Variants in ABLIM3 observed in about 807,000 individuals in gnomAD.
ABLIM3 encodes actin-binding LIM protein 3.
Under a neutral mutation model 109.5 loss-of-function variants are expected in ABLIM3, and 61 were observed. The observed-to-expected ratio is 0.56, with a 90% CI of 0.45 to 0.69. The LOEUF is 0.69. Ranked by LOEUF, ABLIM3 falls within the 30% of genes least tolerant of loss-of-function variation. The pLI, the probability that ABLIM3 is intolerant of heterozygous loss-of-function variation, is 0.00. For synonymous variants in ABLIM3, 300 were observed against 324.8 expected (o/e 0.92, Z 0.82); for missense variants, 796 against 889.5 (o/e 0.89, Z 1.34).
intron 12 of ABLIM3, 71 bp downstream of exon 12, chr5:149,239,348 GC>G (rs1258623387): frequency 2.7e-5 from 41 of 1,538,552 alleles, no homozygotes; most frequent in Non-Finnish European, 3.5e-5. Context: ...CCCATCCCCA[GC>G]CCCCCGAAGG....
At chr5:149,229,057 G>A (rs748443233) in intron 8 of ABLIM3, among the ~76,000 whole-genome samples, 7 of 152,082 alleles carry the variant, frequency 4.6e-5, no homozygotes, top group African/African-American at 9.7e-5. Context: ...TGTAACATGT[G>A]TTTCCTGCCA....
intron 23 of ABLIM3, among the ~76,000 whole-genome samples, chr5:149,253,645 G>T (rs1210123844): frequency 6.6e-6 from 1 of 152,232 alleles, no homozygotes; most frequent in Non-Finnish European, 1.5e-5. Flanking sequence ...AGTAGAGTTT[G>T]TGATTGAGAG....
chr5:149,255,328 C>T (rs1318569622), intron 23 of ABLIM3, among the ~76,000 whole-genome samples: 1 of 152,200 alleles, frequency 6.6e-6, no homozygotes, highest in Non-Finnish European at 1.5e-5. Context: ...GTTCGAGGTG[C>T]TTGCAATATA....
chr5:149,157,857 C>G (rs936117578), intron 2 of ABLIM3, among the ~76,000 whole-genome samples: 2 of 152,132 alleles, frequency 1.3e-5, no homozygotes, highest in Admixed American at 6.5e-5. Flanking sequence ...TTCCCAGTTG[C>G]AAGAACCAAC....
chr5:149,146,289 C>G (rs1023566831), intron 2 of ABLIM3, among the ~76,000 whole-genome samples: 5 of 152,120 alleles, frequency 3.3e-5, no homozygotes, highest in African/African-American at 1.2e-4. Context: ...TTGATAGTAT[C>G]TTTTGCAGTG....
At chr5:149,162,358 A>G (rs911092210) in intron 2 of ABLIM3, among the ~76,000 whole-genome samples, 1 of 152,180 alleles carries the variant, frequency 6.6e-6, no homozygotes, top group Non-Finnish European at 1.5e-5. Flanking sequence ...TAGTGTCCTC[A>G]TATACAATTG....
intron 2 of ABLIM3, among the ~76,000 whole-genome samples, chr5:149,150,517 T>G (rs1438740458): frequency 6.6e-6 from 1 of 152,134 alleles, no homozygotes; most frequent in African/African-American, 2.4e-5. Context: ...CTATAACACA[T>G]CTCAGAAAAA....
chr5:149,144,073 AAAAG>A (rs1458005561), intron 2 of ABLIM3, among the ~76,000 whole-genome samples: 2 of 152,228 alleles, frequency 1.3e-5, no homozygotes, highest in Admixed American at 6.5e-5. Context: ...TCTTTTAAGA[AAAAG>A]AAAGAAAGAA....
intron 2 of ABLIM3, among the ~76,000 whole-genome samples, chr5:149,174,005 G>C (rs1169692670): frequency 2.3e-5 from 3 of 132,002 alleles, no homozygotes; most frequent in Admixed American, 8.3e-5. Flanking sequence ...CTGGGCAACA[G>C]AGCGAGACTC....
chr5:149,203,141 T>C (rs1318260807), intron 5 of ABLIM3, among the ~76,000 whole-genome samples: 1 of 151,304 alleles, frequency 6.6e-6, no homozygotes, highest in Non-Finnish European at 1.5e-5. Flanking sequence ...ATCACCAACA[T>C]TATCATTATC....
At chr5:149,206,186 A>C (rs1758950088) in intron 5 of ABLIM3, among the ~76,000 whole-genome samples, 1 of 152,214 alleles carries the variant, frequency 6.6e-6, no homozygotes, top group African/African-American at 2.4e-5. Context: ...TCATTGAGCA[A>C]CAAGCTGATG....
chr5:149,201,193 A>T (rs775346728), intron 5 of ABLIM3, among the ~76,000 whole-genome samples: 10 of 134,098 alleles, frequency 7.5e-5, no homozygotes, highest in Non-Finnish European at 1.7e-4. Context: ...AAGATATCTA[A>T]ATCACTGTTC....
At chr5:149,236,649 A>G (rs1351050461) in intron 10 of ABLIM3, among the ~76,000 whole-genome samples, 1 of 152,096 alleles carries the variant, frequency 6.6e-6, no homozygotes, top group African/African-American at 2.4e-5. Context: ...GGCTCATTTC[A>G]GTTCAATGGA....
chr5:149,171,428 A>G (rs1755412317), intron 2 of ABLIM3, among the ~76,000 whole-genome samples: 1 of 152,222 alleles, frequency 6.6e-6, no homozygotes, highest in South Asian at 2.1e-4. Context: ...AAATACTACT[A>G]TCCCCATTTT....
At chr5:149,209,382 A>G (rs567834718) in intron 6 of ABLIM3, among the ~76,000 whole-genome samples, 42 of 152,310 alleles carry the variant, frequency 2.8e-4, no homozygotes, top group African/African-American at 9.9e-4. Flanking sequence ...AGCGCAGCCT[A>G]TGTGACCTTG....
At chr5:149,143,352 G>T (rs1383486976) in intron 2 of ABLIM3, among the ~76,000 whole-genome samples, 1 of 151,858 alleles carries the variant, frequency 6.6e-6, no homozygotes, top group Non-Finnish European at 1.5e-5. Flanking sequence ...GACAGAGTGA[G>T]ACTCTGTCTC....
chr5:149,147,578 T>C (rs763822830), intron 2 of ABLIM3, among the ~76,000 whole-genome samples: 3 of 152,110 alleles, frequency 2.0e-5, no homozygotes, highest in Non-Finnish European at 4.4e-5. Context: ...TTGAAAAAGA[T>C]CTGTGTAAGT....
chr5:149,186,960 A>G lies in ABLIM3; in HGVS notation c.151+3371A>G, dbSNP rs558917492. 7.9e-5 allele frequency among the ~76,000 whole-genome samples: 12 copies of G among 152,312 alleles called. No individual in the cohort carries two copies. In the South Asian group the frequency reaches 2.3e-3, roughly 29 times the overall value. On this transcript the variant is annotated intron_variant, in intron 3 of 23. Coordinates refer to ENST00000309868, the MANE Select transcript of ABLIM3 (RefSeq NM_014945.5). ...TCTTTGAAATTAATTCAATGTATCA[A>G]TTAAATAGCAGATTAGATGTTGCTA... is the stretch of plus-strand genomic sequence containing the variant.
chr5:149,163,697 A>G (rs1290712414), intron 2 of ABLIM3, among the ~76,000 whole-genome samples: 1 of 152,088 alleles, frequency 6.6e-6, no homozygotes, highest in Non-Finnish European at 1.5e-5. Flanking sequence ...TAAAAACCCT[A>G]TTGCCAAATA....
Sources: allele counts gnomAD v4.1 joint callset (sites outside exome capture counted in the v4.1 genomes callset), GRCh38; gene constraint gnomAD v4.1.1; transcripts MANE v1.5; gene names NCBI Gene and HGNC (gene_info 2026-07-23, HGNC 2026-07-21).